The following PTPRT variants were observed in gnomAD, a reference collection of about 807,000 sequenced individuals.
PTPRT encodes receptor-type tyrosine-protein phosphatase T.
PTPRT carries 56 observed loss-of-function variants against 176.8 expected under a neutral mutation model. That is an observed-to-expected ratio of 0.32 (90% CI 0.26 to 0.40). PTPRT has a LOEUF of 0.40. Ranked by LOEUF, PTPRT falls within the 10% of genes least tolerant of loss-of-function variation. The pLI is 1.00. For missense variants in PTPRT, 1,540 were observed against 1,908.2 expected (o/e 0.81, Z 3.60); for synonymous variants, 783 against 739.0 (o/e 1.06, Z -0.96).
At chr20:43,182,354 A>C (rs2146484172) in intron 1 of PTPRT, among the ~76,000 whole-genome samples, 1 of 152,236 alleles carries the variant, frequency 6.6e-6, no homozygotes, top group Middle Eastern at 3.4e-3. Flanking sequence ...GATAAGCTCC[A>C]CGACGCTAAG....
At chr20:42,871,452 T>A (rs2078845322) in intron 2 of PTPRT, among the ~76,000 whole-genome samples, 2 of 152,206 alleles carry the variant, frequency 1.3e-5, no homozygotes, top group African/African-American at 4.8e-5. Context: ...TTTAATTCTG[T>A]TCCCTTTGAA....
At chr20:42,533,757 G>A (rs190950885) in intron 7 of PTPRT, among the ~76,000 whole-genome samples, 119 of 152,280 alleles carry the variant, frequency 7.8e-4, no homozygotes, top group African/African-American at 2.8e-3. Flanking sequence ...TTCTATAAAC[G>A]CATTTGCTGT....
At chr20:42,931,519 G>A (rs1414167007) in intron 1 of PTPRT, among the ~76,000 whole-genome samples, 4 of 152,214 alleles carry the variant, frequency 2.6e-5, no homozygotes, top group African/African-American at 9.6e-5. Context: ...GAACTAGCAC[G>A]TTGGCTCAGA....
At chr20:42,652,284 G>A (rs969046985) in intron 7 of PTPRT, among the ~76,000 whole-genome samples, 1 of 152,114 alleles carries the variant, frequency 6.6e-6, no homozygotes, top group East Asian at 1.9e-4. Flanking sequence ...ATTGCCATTT[G>A]CATGCTTAGA....
intron 15 of PTPRT, among the ~76,000 whole-genome samples, chr20:42,217,633 C>T (rs6065445): frequency 0.22 from 34,188 of 151,978 alleles, 4,463 homozygotes; most frequent in African/African-American, 0.34. Context: ...GTATTTTGGG[C>T]CAGATAATTA....
In PTPRT at chr20:42,619,561, G is replaced by A. The variant is rs1433147117; in HGVS notation, c.1153+58305C>T. ...TTTCCAACTTGGTTCCATTCTCCCT[G>A]TCACTTTCAGGTACACCAATCAGAC... On this transcript the variant is annotated intron_variant, in intron 7 of 30. Transcript: ENST00000373187. Among the ~76,000 whole-genome samples, 6 of 133,900 alleles carry A rather than the reference G, an allele frequency of 4.5e-5. No individual in the cohort carries two copies. In the East Asian group the frequency reaches 6.2e-4, roughly 14 times the overall value. 87.8% of individuals were successfully genotyped at this position (133,900 alleles called of 152,430 possible). A position where few individuals can be genotyped will look rare whatever the true frequency, so the allele number is the denominator to read the frequency against.
chr20:42,344,947 C>T (rs991197249), intron 11 of PTPRT, among the ~76,000 whole-genome samples: 1 of 152,048 alleles, frequency 6.6e-6, no homozygotes, highest in Admixed American at 6.6e-5. Context: ...TCACTAACTC[C>T]TCCTCATTCC....
At chr20:42,233,959 G>T (rs1014637089) in intron 15 of PTPRT, among the ~76,000 whole-genome samples, 2 of 152,078 alleles carry the variant, frequency 1.3e-5, no homozygotes, top group Non-Finnish European at 2.9e-5. Flanking sequence ...GCTTATCTTG[G>T]ATTCCACCCC....
At chr20:43,033,930 C>G (rs1249908330) in intron 1 of PTPRT, among the ~76,000 whole-genome samples, 1 of 152,214 alleles carries the variant, frequency 6.6e-6, no homozygotes, top group East Asian at 1.9e-4. Context: ...TGCTGCCTCT[C>G]ACCGCACTAC....
At chr20:42,901,185 T>C (rs573927674) in intron 1 of PTPRT, among the ~76,000 whole-genome samples, 5 of 152,300 alleles carry the variant, frequency 3.3e-5, no homozygotes, top group South Asian at 2.1e-4. Context: ...GTTGGCCCCC[T>C]GGACACACTT....
chr20:42,773,826 A>G (rs540978874), intron 4 of PTPRT, among the ~76,000 whole-genome samples: 1 of 152,306 alleles, frequency 6.6e-6, no homozygotes, highest in Non-Finnish European at 1.5e-5. Context: ...GCAGAGTCTT[A>G]GCTCCAATGC....
chr20:42,561,336 C>A (rs1319435731), intron 7 of PTPRT, among the ~76,000 whole-genome samples: 2 of 152,190 alleles, frequency 1.3e-5, no homozygotes, highest in Non-Finnish European at 2.9e-5. Flanking sequence ...AGAGGCTGGG[C>A]CGGGACTCTA....
the PTPRT span, among the ~76,000 whole-genome samples, chr20:42,053,248 A>G: frequency 2.0e-5 from 3 of 152,134 alleles, no homozygotes; most frequent in Admixed American, 2.0e-4. Context: ...ATGAATCTGT[A>G]TTTTTGTAAA....
chr20:43,127,453 AAC>A (rs2013490461), intron 1 of PTPRT, among the ~76,000 whole-genome samples: 1 of 152,004 alleles, frequency 6.6e-6, no homozygotes, highest in South Asian at 2.1e-4. Context: ...CTAATCAGAA[AAC>A]ACAGCCAGGA....
chr20:42,199,150 G>A, intron 16 of PTPRT, 90 bp downstream of exon 16: 3 of 1,466,980 alleles, frequency 2.0e-6, no homozygotes, highest in Non-Finnish European at 2.8e-6. Flanking sequence ...ATGCCTGGCA[G>A]CACCTGATCA....
At chr20:42,868,744 G>A (rs530742778) in intron 2 of PTPRT, among the ~76,000 whole-genome samples, 1 of 152,322 alleles carries the variant, frequency 6.6e-6, no homozygotes, top group East Asian at 1.9e-4. Context: ...GAATGACTCC[G>A]AAGGCATTTC....
At chr20:42,391,979 T>C (rs2058804115) in intron 9 of PTPRT, among the ~76,000 whole-genome samples, 1 of 152,162 alleles carries the variant, frequency 6.6e-6, no homozygotes, top group South Asian at 2.1e-4. Context: ...CTCCCTGCCA[T>C]GATGGGCAAT....
chr20:43,171,972 T>C (rs1335731439), intron 1 of PTPRT, among the ~76,000 whole-genome samples: 1 of 152,204 alleles, frequency 6.6e-6, no homozygotes, highest in South Asian at 2.1e-4. Context: ...GTCGAGGTCA[T>C]GTAGCCTCCT....
At chr20:42,068,037 G>A (rs1004576701), downstream of PTPRT, among the ~76,000 whole-genome samples, 18 of 152,268 alleles carry the variant, frequency 1.2e-4, no homozygotes, top group African/African-American at 2.4e-4. Context: ...TTGAAAAGTC[G>A]CATGAAATAC....
Sources: gnomAD v4.1 joint callset for allele counts (sites outside exome capture counted in the v4.1 genomes callset) on GRCh38, gnomAD v4.1.1 for gene constraint, MANE v1.5 for transcripts, NCBI Gene and HGNC (gene_info 2026-07-23, HGNC 2026-07-21) for gene names.